The following PDE3B variants were observed in gnomAD, a reference collection of about 807,000 sequenced individuals.
PDE3B encodes cGMP-inhibited 3',5'-cyclic phosphodiesterase 3B.
PDE3B carries 66 observed loss-of-function variants against 116.8 expected under a neutral mutation model. The observed-to-expected ratio is 0.56, with a 90% CI of 0.46 to 0.69. The LOEUF (loss-of-function observed/expected upper bound fraction) is 0.69, where lower values mean the gene tolerates loss of function less well. Among genes scored for constraint, PDE3B ranks in the 30% least tolerant of loss-of-function variants. PDE3B has a pLI of 0.00. For missense variants in PDE3B, 1,384 were observed against 1,368.1 expected, an observed-to-expected ratio of 1.01 and a Z score of -0.18; for synonymous variants, 595 against 533.6, an observed-to-expected ratio of 1.12 and a Z score of -1.59.
chr11:14,653,007 A>T (rs1417906863), intron 1 of PDE3B, among the ~76,000 whole-genome samples: 1 of 152,200 alleles, frequency 6.6e-6, no homozygotes, highest in Admixed American at 6.5e-5. Flanking sequence ...GGTTAAGTTT[A>T]TTCCTGAGCA....
At position 14,707,224 on chromosome 11, in the gene PDE3B, G is replaced by A. The variant is rs1855560880; in HGVS notation, c.978+62171G>A. 2.0e-5 allele frequency among the ~76,000 whole-genome samples: 3 copies of A among 152,008 alleles called. No homozygotes were observed. The South Asian group carries it at 6.2e-4, about 31-fold the overall frequency. ...TGACATTTGAGCGAAGACCTGAGAT[G>A]AAGAGTCCTGAAAATCTGGGGATGG... On this transcript the variant is annotated intron_variant, in intron 1 of 15. Transcript: ENST00000282096.
chr11:14,770,860 T>C (rs1035177137), intron 1 of PDE3B, among the ~76,000 whole-genome samples: 5 of 151,714 alleles, frequency 3.3e-5, no homozygotes, highest in African/African-American at 1.2e-4. Context: ...GGGTGTATTA[T>C]GTAAAATATG....
At chr11:14,743,114 CT>C (rs1473258624) in intron 1 of PDE3B, among the ~76,000 whole-genome samples, 2 of 152,182 alleles carry the variant, frequency 1.3e-5, no homozygotes, top group Non-Finnish European at 2.9e-5. Context: ...ATCTGCTGTT[CT>C]CTTCAGACCT....
intron 1 of PDE3B, among the ~76,000 whole-genome samples, chr11:14,648,693 A>T (rs1475359836): frequency 6.6e-6 from 1 of 152,162 alleles, no homozygotes; most frequent in Non-Finnish European, 1.5e-5. Context: ...TGTCCACAGG[A>T]TACTGTTCAT....
chr11:14,770,689 G>A (rs987268444), intron 1 of PDE3B, among the ~76,000 whole-genome samples: 2 of 151,500 alleles, frequency 1.3e-5, no homozygotes, highest in South Asian at 4.1e-4. Context: ...CATTTTGTGG[G>A]CACTGGTTCA....
intron 1 of PDE3B, among the ~76,000 whole-genome samples, chr11:14,757,350 T>C (rs1311616207): frequency 2.0e-5 from 3 of 149,454 alleles, no homozygotes; most frequent in Non-Finnish European, 4.5e-5. Flanking sequence ...ATGGTATTTC[T>C]AGTTCTAGAT....
chr11:14,644,275 A>G lies in PDE3B; in HGVS notation c.200A>G (p.Gln67Arg). 1 of 1,566,094 alleles carries G rather than the reference A, an allele frequency of 6.4e-7. No homozygotes were observed. Among genetic ancestry groups the G allele is most frequent in the Non-Finnish European group, 8.6e-7 (1 of 1,163,140 alleles). ...CTGCGGCCGCCGCCGGCCTCTCCCC[A>G]GCAGCCGCGGCGCTGCTCCCCCTTC... ...VELRPPPASP[Q>R]QPRRCSPFCR... The change falls in exon 1 of 16, where the codon CAG becomes CGG. Residue 67 changes from glutamine to arginine, a missense_variant. Gln to Arg is a conservative substitution (Grantham distance 43). Coordinates refer to ENST00000282096, the MANE Select transcript of PDE3B (RefSeq NM_000922.4).
At chr11:14,824,077 T>G (rs1039817736) in intron 7 of PDE3B, among the ~76,000 whole-genome samples, 2 of 152,176 alleles carry the variant, frequency 1.3e-5, no homozygotes, top group Non-Finnish European at 2.9e-5. Flanking sequence ...GTCGGACTGT[T>G]CTCCACGTAG....
At chr11:14,851,506 T>TG (rs10666771) in intron 12 of PDE3B, among the ~76,000 whole-genome samples, 2 of 133,896 alleles carry the variant, frequency 1.5e-5, no homozygotes, top group Admixed American at 7.2e-5. Flanking sequence ...ATGGGTATAA[T>TG]GGGGTGTGTG....
chr11:14,861,462 C>CT (rs1847949497), intron 14 of PDE3B, 96 bp downstream of exon 14: 1 of 1,141,028 alleles, frequency 8.8e-7, no homozygotes, highest in Non-Finnish European at 1.3e-6. Flanking sequence ...TGTTTGAAAT[C>CT]TGAGTTGCTT....
chr11:14,644,164 G>T lies in PDE3B; in HGVS notation c.89G>T (p.Gly30Val), dbSNP rs753083609. 2 of 1,595,348 alleles carry T rather than the reference G, an allele frequency of 1.3e-6. No homozygotes were observed. Among genetic ancestry groups the T allele is most frequent in the Non-Finnish European group, 1.7e-6 (2 of 1,177,510 alleles). The change falls in exon 1 of 16, where the codon GGC becomes GTC. Residue 30 changes from glycine (G) to valine (V), a missense_variant. Transcript: ENST00000282096. The part of the protein sequence containing the change: ...AGSPPESLRN[G>V]YVKSCVSPLR... Reference sequence around the variant, plus strand: ...TCGCCCCCCGAGAGTCTGAGGAACGGCTACGTGAAGAGCTGCGTGAGCCCC... The same window carrying T: ...TCGCCCCCCGAGAGTCTGAGGAACGTCTACGTGAAGAGCTGCGTGAGCCCC...
At chr11:14,710,294 TA>T (rs1283696920) in intron 1 of PDE3B, among the ~76,000 whole-genome samples, 1 of 152,184 alleles carries the variant, frequency 6.6e-6, no homozygotes, top group East Asian at 1.9e-4. Context: ...ATAGATGATT[TA>T]TTTTTTTGAT....
At chr11:14,792,923 T>A (rs918024884) in intron 4 of PDE3B, among the ~76,000 whole-genome samples, 1 of 152,160 alleles carries the variant, frequency 6.6e-6, no homozygotes, top group Non-Finnish European at 1.5e-5. Context: ...CATAACACAT[T>A]CTCTTACGGC....
intron 2 of PDE3B, among the ~76,000 whole-genome samples, chr11:14,780,283 A>G (rs1857944927): frequency 6.6e-6 from 1 of 152,222 alleles, no homozygotes. Context: ...AAGGATATCC[A>G]AGAAGTTAAC....
At chr11:14,804,283 A>G (rs1472523242) in intron 5 of PDE3B, among the ~76,000 whole-genome samples, 3 of 152,198 alleles carry the variant, frequency 2.0e-5, no homozygotes, top group African/African-American at 2.4e-5. Context: ...GTAGGGATTC[A>G]GAGATAAAAT....
At chr11:14,663,826 C>CT in intron 1 of PDE3B, among the ~76,000 whole-genome samples, 1 of 152,264 alleles carries the variant, frequency 6.6e-6, no homozygotes, top group Admixed American at 6.5e-5. Context: ...TAATGGGAGA[C>CT]TTTAACACCC....
In PDE3B at chr11:14,644,100, A is replaced by G; in HGVS notation, c.25A>G (p.Lys9Glu). ...CATGAGGAGGGACGAGCGAGACGCC[A>G]AAGCCATGCGGTCCCTGCAGCCGCC... The part of the protein sequence containing the change: MRRDERDA[K>E]AMRSLQPPDG... Residue 9 changes from lysine (K) to glutamate (E), a missense_variant, in exon 1 of 16, where the codon AAA becomes GAA. This residue lies in a region of PDE3B where 956 missense variants were observed against 806.8 expected (regional missense o/e 1.18). Transcript: ENST00000282096. 6.4e-7 allele frequency: 1 copy of G among 1,567,132 alleles called. No homozygotes were observed. The highest frequency in any genetic ancestry group is 8.6e-7 in the Non-Finnish European group (1 of 1,166,584).
intron 5 of PDE3B, among the ~76,000 whole-genome samples, chr11:14,805,866 A>G (rs1212305453): frequency 6.6e-6 from 1 of 152,264 alleles, no homozygotes; most frequent in Non-Finnish European, 1.5e-5. Flanking sequence ...GAAGACATTT[A>G]TGCAGCCAAC....
the PDE3B span, among the ~76,000 whole-genome samples, chr11:14,879,904 T>C: frequency 6.6e-6 from 1 of 152,134 alleles, no homozygotes; most frequent in African/African-American, 2.4e-5. Flanking sequence ...AGACACACAG[T>C]GTTTTTTCTC....
Sources: gnomAD v4.1 joint callset for allele counts (sites outside exome capture counted in the v4.1 genomes callset) on GRCh38, gnomAD v4.1.1 for gene constraint, gnomAD v4.1.1 regional missense constraint, MANE v1.5 for transcripts, NCBI Gene and HGNC (gene_info 2026-07-23, HGNC 2026-07-21) for gene names.